The following ARFGEF2 variants were observed in gnomAD, a reference collection of about 807,000 sequenced individuals.
ARFGEF2 encodes the protein ARF guanine nucleotide exchange factor 2.
In ARFGEF2, 74 loss-of-function variants were observed where a neutral mutation model predicts 219.9. The ratio of observed to expected loss-of-function variants is 0.34; its 90% confidence interval spans 0.28 to 0.41. The LOEUF is 0.41. Among genes scored for constraint, ARFGEF2 ranks in the 10% least tolerant of loss-of-function variants. The pLI, the probability that ARFGEF2 is intolerant of heterozygous loss-of-function variation, is 1.00. For missense variants in ARFGEF2, 1,743 were observed against 2,218.3 expected, an observed-to-expected ratio of 0.79 and a Z score of 4.30; for synonymous variants, 733 against 799.2, an observed-to-expected ratio of 0.92 and a Z score of 1.40.
At chr20:48,969,039 C>T (rs1338406452) in intron 8 of ARFGEF2, 108 bp from the exon 9 acceptor site, 2 of 1,091,142 alleles carry the variant, frequency 1.8e-6, no homozygotes, top group East Asian at 2.6e-5. Flanking sequence ...TGGCTTACTG[C>T]AGCCTTGACC....
Position 49,013,929 on chromosome 20 carries a change from A to C in ARFGEF2, c.4148A>C (p.Asp1383Ala). ...TTCAGAATCGTGTTTCGGATTTTTG[A>C]CAATATGAAACTCCCTGAGCAACTG... ...DLFRIVFRIFDNMKLPEQLSE... is the reference protein window; with the variant it reads ...DLFRIVFRIFANMKLPEQLSE... Residue 1383 changes from aspartate to alanine, a missense_variant, in exon 30 of 39, where the codon GAC becomes GCC. By Grantham distance (126) the Asp-to-Ala change is moderately radical (BLOSUM62 -2). Transcript: ENST00000371917. The C allele has an allele frequency of 6.2e-7, 1 of 1,614,058 alleles. No individual in the cohort carries two copies. Among genetic ancestry groups the C allele is most frequent in the Non-Finnish European group, 8.5e-7 (1 of 1,179,980 alleles).
intron 35 of ARFGEF2, among the ~76,000 whole-genome samples, chr20:49,024,279 T>A (rs1329781976): frequency 6.6e-6 from 1 of 152,106 alleles, no homozygotes; most frequent in South Asian, 2.1e-4. Context: ...GGCCTACATA[T>A]CAGATTCTTG....
At chr20:49,029,572 T>C (rs1330475272) in intron 37 of ARFGEF2, among the ~76,000 whole-genome samples, 1 of 151,346 alleles carries the variant, frequency 6.6e-6, no homozygotes, top group Non-Finnish European at 1.5e-5. Context: ...TATGATATTA[T>C]GAAACATAGT....
At chr20:49,028,731 C>A (rs915918821) in intron 37 of ARFGEF2, 63 bp downstream of exon 37, 20 of 1,548,658 alleles carry the variant, frequency 1.3e-5, no homozygotes, top group African/African-American at 2.7e-5. Context: ...CACAGCAATA[C>A]TGTGGATTGA....
Position 49,006,699 on chromosome 20 carries a change from G to A in ARFGEF2, c.3584+1478G>A, listed in dbSNP as rs546536136. ...AGGGAAGAGCAAAAGCAAAAGGCCC[G>A]TAGCAGGTAGTGCTTGGCATAGGTG... On this transcript the variant is annotated intron_variant, in intron 26 of 38. Coordinates refer to ENST00000371917, the MANE Select transcript of ARFGEF2 (RefSeq NM_006420.3). Among the ~76,000 whole-genome samples the A allele has an allele frequency of 3.9e-4, 59 of 152,294 alleles. No homozygotes were observed. In the South Asian group the frequency reaches 8.1e-3, roughly 21 times the overall value.
At chr20:48,934,579 C>G (rs1277287503) in intron 1 of ARFGEF2, among the ~76,000 whole-genome samples, 1 of 152,140 alleles carries the variant, frequency 6.6e-6, no homozygotes, top group Admixed American at 6.5e-5. Context: ...TGTTCAGCTC[C>G]CACTTATGAG....
intron 36 of ARFGEF2, among the ~76,000 whole-genome samples, chr20:49,027,425 G>A (rs993081092): frequency 5.3e-5 from 8 of 152,174 alleles, no homozygotes; most frequent in African/African-American, 1.9e-4. Context: ...GGCCAGGCAA[G>A]GTGGTTCACA....
At chr20:49,014,845 A>G (rs1280304967) in intron 30 of ARFGEF2, among the ~76,000 whole-genome samples, 2 of 152,246 alleles carry the variant, frequency 1.3e-5, no homozygotes, top group Non-Finnish European at 2.9e-5. Context: ...TTTCCTCATT[A>G]TAAAACAAGT....
At chr20:48,960,259 A>G (rs2091138430) in intron 6 of ARFGEF2, among the ~76,000 whole-genome samples, 1 of 152,206 alleles carries the variant, frequency 6.6e-6, no homozygotes, top group Non-Finnish European at 1.5e-5. Context: ...TTGGTAACAC[A>G]GTGGTAAGTA....
intron 14 of ARFGEF2, among the ~76,000 whole-genome samples, chr20:48,976,749 A>G (rs528183743): frequency 6.6e-6 from 1 of 152,286 alleles, no homozygotes; most frequent in Non-Finnish European, 1.5e-5. Context: ...CGGAGCTTGC[A>G]GTGAGCAGAG....
Position 48,969,207 on chromosome 20 carries a change from G to A in ARFGEF2, c.1120G>A (p.Ala374Thr). ...ARFSHVLQKDAFLVFRSLCKL... is the reference protein window; with the variant it reads ...ARFSHVLQKDTFLVFRSLCKL... ...GTTCTCCCACGTTCTGCAGAAGGAT[G>A]CCTTCCTTGTGTTCCGCTCCCTGTG... Residue 374 changes from alanine (A) to threonine (T), a missense_variant, in exon 9 of 39, where the codon GCC becomes ACC. Ala to Thr is a moderately conservative substitution (Grantham distance 58). This residue lies in a region of ARFGEF2 where 666 missense variants were observed against 955.4 expected (regional missense o/e 0.70). Coordinates refer to ENST00000371917, the MANE Select transcript of ARFGEF2 (RefSeq NM_006420.3). 1.2e-6 allele frequency: 2 copies of A among 1,614,228 alleles called. No homozygotes were observed. Among genetic ancestry groups the A allele is most frequent in the Non-Finnish European group, 1.7e-6 (2 of 1,180,044 alleles).
chr20:48,984,930 A>G (rs2091317973), intron 15 of ARFGEF2, 90 bp downstream of exon 15: 2 of 1,601,072 alleles, frequency 1.2e-6, no homozygotes, highest in East Asian at 4.5e-5. Flanking sequence ...GTCTGGCCCT[A>G]AGTACATTGT....
intron 36 of ARFGEF2, 84 bp from the exon 37 acceptor site, chr20:49,028,446 T>C: frequency 7.0e-7 from 1 of 1,423,824 alleles, no homozygotes; most frequent in Non-Finnish European, 9.8e-7. Context: ...TCATATTTCA[T>C]AAAATAACTA....
At position 48,953,562 on chromosome 20, in the gene ARFGEF2, G is replaced by A; in HGVS notation, c.610G>A (p.Glu204Lys). The A allele has an allele frequency of 6.2e-7, 1 of 1,614,006 alleles. No individual in the cohort carries two copies. Among genetic ancestry groups the A allele is most frequent in the Non-Finnish European group, 8.5e-7 (1 of 1,179,956 alleles). ...FTRMENQVLQ[E>K]ARELEKPIQS... Reference sequence around the variant, plus strand: ...CCCTTTTGTTGCCTTTTAGTTGCAGGAGGCCAGAGAACTGGAAAAACCAAT... The same window carrying A: ...CCCTTTTGTTGCCTTTTAGTTGCAGAAGGCCAGAGAACTGGAAAAACCAAT... Residue 204 changes from glutamate to lysine, a missense_variant, in exon 6 of 39, where the codon GAG becomes AAG. This residue lies in a region of ARFGEF2 where 394 missense variants were observed against 426.6 expected (regional missense o/e 0.92). Transcript: ENST00000371917.
Position 49,017,349 on chromosome 20 carries a change from C to CT in ARFGEF2, c.4417dup (p.Cys1473LeufsTer45). 6.2e-7 allele frequency: 1 copy of CT among 1,614,094 alleles called. No homozygotes were observed. The highest frequency in any genetic ancestry group is 8.5e-7 in the Non-Finnish European group (1 of 1,179,996). On this transcript the variant is annotated frameshift_variant, in exon 32 of 39. Transcript: ENST00000371917. LOFTEE classifies it high-confidence loss of function. ...CTGAAGTCTGGGATGAAACCTGCAA[C>CT]TGTATGTTGGATATTTTCAAAACAA... is the stretch of plus-strand genomic sequence containing the variant.
intron 21 of ARFGEF2, 113 bp from the exon 22 acceptor site, chr20:48,994,338 A>G: frequency 7.8e-7 from 1 of 1,276,066 alleles, no homozygotes; most frequent in East Asian, 2.3e-5. Flanking sequence ...ATAAACATCT[A>G]TATGGCATAA....
chr20:48,981,090 A>C (rs1225051082), intron 14 of ARFGEF2, among the ~76,000 whole-genome samples: 1 of 152,108 alleles, frequency 6.6e-6, no homozygotes, highest in Non-Finnish European at 1.5e-5. Flanking sequence ...GGTCTTTACA[A>C]TTTGGCATGG....
chr20:48,963,730 G>C, intron 6 of ARFGEF2, 100 bp from the exon 7 acceptor site: 1 of 1,179,462 alleles, frequency 8.5e-7, no homozygotes. Flanking sequence ...TGCACCCTTT[G>C]CCTTCTGAAA....
intron 3 of ARFGEF2, among the ~76,000 whole-genome samples, chr20:48,949,725 T>C (rs192899497): frequency 2.4e-4 from 36 of 152,146 alleles, no homozygotes; most frequent in Non-Finnish European, 3.2e-4. Context: ...CGGCCAGTCT[T>C]CCTCCCACAG....
Sources: allele counts gnomAD v4.1 joint callset (sites outside exome capture counted in the v4.1 genomes callset), GRCh38; gene constraint gnomAD v4.1.1; regional missense constraint gnomAD v4.1.1; transcripts MANE v1.5; gene names NCBI Gene and HGNC (gene_info 2026-07-23, HGNC 2026-07-21).